Variants in SNTB1 observed in about 807,000 individuals in gnomAD.
SNTB1 encodes the protein beta-1-syntrophin.
A neutral mutation model predicts 48.9 loss-of-function variants in SNTB1; 36 were observed. The observed-to-expected ratio is 0.74, with a 90% CI of 0.56 to 0.97. The LOEUF is 0.97. Ranked by LOEUF, SNTB1 falls within the 50% of genes least tolerant of loss-of-function variation. The pLI is 0.00. For synonymous variants in SNTB1, 299 were observed against 294.6 expected (o/e 1.01, Z -0.15); for missense variants, 786 against 703.4 (o/e 1.12, Z -1.33).
intron 1 of SNTB1, among the ~76,000 whole-genome samples, chr8:120,706,688 C>G (rs1024450652): frequency 4.6e-5 from 7 of 152,164 alleles, no homozygotes; most frequent in African/African-American, 1.7e-4. Flanking sequence ...GACAGAAGAT[C>G]ACATGTGAAT....
At chr8:120,575,285 G>T (rs1815933346) in intron 3 of SNTB1, 60 bp from the exon 4 acceptor site, 1 of 1,602,642 alleles carries the variant, frequency 6.2e-7, no homozygotes, top group Admixed American at 1.7e-5. Flanking sequence ...ATTATGAGAA[G>T]TTGGCATCCC....
chr8:120,796,892 A>G (rs1214143334), intron 1 of SNTB1, among the ~76,000 whole-genome samples: 2 of 152,072 alleles, frequency 1.3e-5, no homozygotes, highest in Non-Finnish European at 2.9e-5. Context: ...TATAAAAGAA[A>G]AAGTTTCAAC....
At chr8:120,732,265 A>T (rs561956526) in intron 1 of SNTB1, among the ~76,000 whole-genome samples, 2 of 152,306 alleles carry the variant, frequency 1.3e-5, no homozygotes, top group Non-Finnish European at 2.9e-5. Context: ...ATATTGAACA[A>T]CCAAGAGGAA....
At chr8:120,736,933 CTCTT>C (rs1818955012) in intron 1 of SNTB1, among the ~76,000 whole-genome samples, 1 of 152,214 alleles carries the variant, frequency 6.6e-6, no homozygotes, top group African/African-American at 2.4e-5. Context: ...CCATCTCTCT[CTCTT>C]TCCTTCTTTC....
intron 3 of SNTB1, among the ~76,000 whole-genome samples, chr8:120,582,051 A>T (rs781447188): frequency 6.6e-6 from 1 of 152,218 alleles, no homozygotes; most frequent in Non-Finnish European, 1.5e-5. Flanking sequence ...ACAAAAATAA[A>T]AAACAAACAA....
At chr8:120,577,008 T>G (rs1403264455) in intron 3 of SNTB1, among the ~76,000 whole-genome samples, 1 of 152,210 alleles carries the variant, frequency 6.6e-6, no homozygotes, top group Non-Finnish European at 1.5e-5. Context: ...CAGACACCAA[T>G]TTTTGAACAT....
intron 1 of SNTB1, among the ~76,000 whole-genome samples, chr8:120,745,384 C>G (rs553047934): frequency 9.2e-5 from 14 of 152,212 alleles, no homozygotes; most frequent in African/African-American, 3.4e-4. Flanking sequence ...CAGGACCTTG[C>G]CCGATATAGC....
intron 3 of SNTB1, among the ~76,000 whole-genome samples, chr8:120,616,127 T>G (rs1816709664): frequency 6.6e-6 from 1 of 152,148 alleles, no homozygotes; most frequent in African/African-American, 2.4e-5. Flanking sequence ...GAAGCCTTCC[T>G]CACATCTCCA....
At chr8:120,609,380 TTG>T (rs1816581304) in intron 3 of SNTB1, among the ~76,000 whole-genome samples, 1 of 152,172 alleles carries the variant, frequency 6.6e-6, no homozygotes, top group Admixed American at 6.5e-5. Flanking sequence ...TTTTCTTTCA[TTG>T]TCAACATATG....
chr8:120,548,894 G>C lies in SNTB1; in HGVS notation c.1201C>G (p.Arg401Gly), dbSNP rs61752911. The C allele has an allele frequency of 4.6e-5, 74 of 1,612,384 alleles. No individual in the cohort carries two copies. Among genetic ancestry groups the C allele is most frequent in the Non-Finnish European group, 6.1e-5 (72 of 1,179,286 alleles). ...QAGVDLSFAT[R>G]TGTRQGIETH... ...TCAATCCCTTGCCTGGTACCAGTTC[G>C]CGTTGCAAAGGACAGATCCACACCA... Residue 401 changes from arginine to glycine, a missense_variant, in exon 5 of 7, where the codon CGA becomes GGA. Coordinates refer to ENST00000517992, the MANE Select transcript of SNTB1 (RefSeq NM_021021.4).
intron 1 of SNTB1, among the ~76,000 whole-genome samples, chr8:120,706,230 C>T (rs1818374029): frequency 6.6e-6 from 1 of 152,072 alleles, no homozygotes; most frequent in Non-Finnish European, 1.5e-5. Context: ...TCAGAACTGT[C>T]AAAATAAAAA....
chr8:120,595,297 T>C (rs1211933861), intron 3 of SNTB1, among the ~76,000 whole-genome samples: 3 of 152,150 alleles, frequency 2.0e-5, no homozygotes, highest in East Asian at 3.9e-4. Context: ...ATAAAGACCT[T>C]GTGGATAAAA....
intron 2 of SNTB1, among the ~76,000 whole-genome samples, chr8:120,689,553 T>C (rs1818091123): frequency 6.6e-6 from 1 of 152,222 alleles, no homozygotes; most frequent in Admixed American, 6.5e-5. Context: ...AATTCACATA[T>C]AAGGGGTAGA....
At chr8:120,676,734 T>C (rs987268288) in intron 2 of SNTB1, among the ~76,000 whole-genome samples, 1 of 151,944 alleles carries the variant, frequency 6.6e-6, no homozygotes, top group Non-Finnish European at 1.5e-5. Flanking sequence ...ATGACCAAGG[T>C]ACATGTTCTA....
At chr8:120,551,454 A>G (rs1193083902) in intron 4 of SNTB1, among the ~76,000 whole-genome samples, 2 of 152,134 alleles carry the variant, frequency 1.3e-5, no homozygotes, top group Non-Finnish European at 2.9e-5. Flanking sequence ...ACAAAGCTGT[A>G]TTAGAACCCC....
chr8:120,739,505 T>C (rs1288034878), intron 1 of SNTB1, among the ~76,000 whole-genome samples: 1 of 152,194 alleles, frequency 6.6e-6, no homozygotes, highest in Non-Finnish European at 1.5e-5. Flanking sequence ...GAACTCAAAG[T>C]GGAGAGCAGC....
intron 3 of SNTB1, among the ~76,000 whole-genome samples, chr8:120,584,131 C>T (rs7834651): frequency 0.18 from 26,972 of 152,004 alleles, 2,958 homozygotes; most frequent in East Asian, 0.44. Flanking sequence ...CATGACAAAA[C>T]GCTATCTCTA....
chr8:120,665,190 A>C (rs1218818180), intron 2 of SNTB1, among the ~76,000 whole-genome samples: 1 of 152,162 alleles, frequency 6.6e-6, no homozygotes, highest in African/African-American at 2.4e-5. Flanking sequence ...GGTGGCTTAC[A>C]CCTGTAATCC....
intron 1 of SNTB1, among the ~76,000 whole-genome samples, chr8:120,721,893 C>T (rs1818666579): frequency 6.6e-6 from 1 of 151,322 alleles, no homozygotes; most frequent in East Asian, 2.0e-4. Context: ...CCCCCTGCCC[C>T]CCACCCCATG....
Sources: gnomAD v4.1 joint callset for allele counts (sites outside exome capture counted in the v4.1 genomes callset) on GRCh38, gnomAD v4.1.1 for gene constraint, MANE v1.5 for transcripts, NCBI Gene and HGNC (gene_info 2026-07-23, HGNC 2026-07-21) for gene names.